The following ZNF236 variants were observed in gnomAD, a reference collection of about 807,000 sequenced individuals.
ZNF236 encodes zinc finger protein 236, also known as regulated by glucose.
A neutral mutation model predicts 191.2 loss-of-function variants in ZNF236; 50 were observed. The ratio of observed to expected loss-of-function variants is 0.26; its 90% confidence interval spans 0.21 to 0.33. ZNF236 has a LOEUF of 0.33. ZNF236 is among the 10% of genes least tolerant of loss of function. The pLI is 1.00. For synonymous variants in ZNF236, 907 were observed against 928.8 expected (o/e 0.98, Z 0.43); for missense variants, 1,754 against 2,374.5 (o/e 0.74, Z 5.43).
At chr18:76,966,003 G>T (rs188786427) in intron 30 of ZNF236, among the ~76,000 whole-genome samples, 43 of 152,304 alleles carry the variant, frequency 2.8e-4, no homozygotes, top group African/African-American at 1.0e-3. Flanking sequence ...AGGAGCATTG[G>T]GTGGGGGCTG....
intron 2 of ZNF236, among the ~76,000 whole-genome samples, 196 bp from the exon 3 acceptor site, chr18:76,851,579 T>C (rs1270859999): frequency 2.0e-5 from 3 of 152,264 alleles, no homozygotes; most frequent in Non-Finnish European, 2.9e-5. Context: ...TTTTCATCCT[T>C]ATAATCCTTT....
intron 5 of ZNF236, among the ~76,000 whole-genome samples, chr18:76,874,642 A>C (rs1338088729): frequency 6.6e-6 from 1 of 152,114 alleles, no homozygotes; most frequent in Non-Finnish European, 1.5e-5. Flanking sequence ...AGGAGATTTT[A>C]ATGTTAAATG....
At chr18:76,825,842 C>T (rs1784565486) in intron 1 of ZNF236, among the ~76,000 whole-genome samples, 2 of 151,844 alleles carry the variant, frequency 1.3e-5, no homozygotes, top group Admixed American at 6.6e-5. Context: ...AACTCCTGGG[C>T]TCAAGTGATT....
At chr18:76,938,195 G>T (rs928605294) in intron 26 of ZNF236, among the ~76,000 whole-genome samples, 1 of 151,904 alleles carries the variant, frequency 6.6e-6, no homozygotes, top group African/African-American at 2.4e-5. Context: ...TTTGAGACCA[G>T]TCAGGGCAAC....
intron 18 of ZNF236, among the ~76,000 whole-genome samples, 196 bp from the exon 19 acceptor site, chr18:76,915,451 A>G (rs1311986640): frequency 6.6e-6 from 1 of 152,202 alleles, no homozygotes; most frequent in East Asian, 1.9e-4. Context: ...CCATTTCTAA[A>G]AATTGGAAAC....
At chr18:76,916,554 T>C (rs1967368709) in intron 19 of ZNF236, among the ~76,000 whole-genome samples, 1 of 152,238 alleles carries the variant, frequency 6.6e-6, no homozygotes, top group Admixed American at 6.5e-5. Flanking sequence ...ATCCTGAGTA[T>C]TATTTTTGTG....
intron 5 of ZNF236, among the ~76,000 whole-genome samples, chr18:76,872,076 A>G (rs765126661): frequency 6.6e-6 from 1 of 152,246 alleles, no homozygotes; most frequent in African/African-American, 2.4e-5. Flanking sequence ...TGCTTGATAC[A>G]TGGTAGGCTG....
intron 1 of ZNF236, among the ~76,000 whole-genome samples, chr18:76,838,587 C>G (rs1975399559): frequency 6.6e-6 from 1 of 152,172 alleles, no homozygotes; most frequent in African/African-American, 2.4e-5. Flanking sequence ...TCTGTCGTGA[C>G]TACTCAGATC....
At chr18:76,830,443 C>T (rs955059853) in intron 1 of ZNF236, among the ~76,000 whole-genome samples, 2 of 152,094 alleles carry the variant, frequency 1.3e-5, no homozygotes, top group African/African-American at 4.8e-5. Flanking sequence ...ATACAGCCAG[C>T]CAGTCGCCCA....
intron 27 of ZNF236, among the ~76,000 whole-genome samples, chr18:76,948,334 A>C (rs574295401): frequency 6.6e-6 from 1 of 152,160 alleles, no homozygotes; most frequent in South Asian, 2.1e-4. Flanking sequence ...GGGCTTTTTC[A>C]CAAAGAGATG....
chr18:76,917,188 C>G (rs1279741177), intron 19 of ZNF236, among the ~76,000 whole-genome samples: 12 of 152,200 alleles, frequency 7.9e-5, no homozygotes, highest in Non-Finnish European at 1.5e-4. Context: ...CTTAGTAAAG[C>G]CTTCATTTCC....
intron 12 of ZNF236, 30 bp from the exon 13 acceptor site, chr18:76,905,123 CAT>C: frequency 6.3e-7 from 1 of 1,577,444 alleles, no homozygotes; most frequent in South Asian, 1.2e-5. Context: ...GTATAAGAAA[CAT>C]ATTCATTAAA....
At chr18:76,924,117 T>G (rs1323462642) in intron 21 of ZNF236, among the ~76,000 whole-genome samples, 6 of 152,218 alleles carry the variant, frequency 3.9e-5, no homozygotes, top group Non-Finnish European at 8.8e-5. Context: ...TGAGCTTGTT[T>G]ATATGACTGT....
rs1968910319 is a variant in ZNF236, at chr18:76,971,700, C to T, written c.*3361C>T. 6.6e-6 allele frequency among the ~76,000 whole-genome samples: 1 copy of T among 152,112 alleles called. No homozygotes were observed. Among genetic ancestry groups the T allele is most frequent in the South Asian group, 2.1e-4 (1 of 4,832 alleles). ...TCATTTTAGAAGAATATTTGTAACT[C>T]ATTAAGATACACATTTTAACATGAA... On this transcript the variant is annotated 3_prime_UTR_variant, in exon 31 of 31. Transcript: ENST00000320610.
At chr18:76,862,955 T>G (rs1190281684) in intron 3 of ZNF236, among the ~76,000 whole-genome samples, 1 of 151,956 alleles carries the variant, frequency 6.6e-6, no homozygotes, top group Non-Finnish European at 1.5e-5. Flanking sequence ...AAAGCAGCTG[T>G]CAAGAAAATG....
At chr18:76,879,994 G>C (rs1976834028) in intron 7 of ZNF236, 119 bp from the exon 8 acceptor site, 2 of 893,128 alleles carry the variant, frequency 2.2e-6, no homozygotes, top group East Asian at 2.7e-5. Flanking sequence ...TTTATGTTTA[G>C]GATACTCTTA....
chr18:76,903,667 A>T (rs1977664518), intron 11 of ZNF236, among the ~76,000 whole-genome samples: 2 of 151,906 alleles, frequency 1.3e-5, no homozygotes, highest in African/African-American at 2.4e-5. Flanking sequence ...GTTCCAAATG[A>T]CTCTTAAGGA....
At chr18:76,961,904 T>C (rs1365979495) in intron 30 of ZNF236, among the ~76,000 whole-genome samples, 4 of 151,826 alleles carry the variant, frequency 2.6e-5, no homozygotes, top group African/African-American at 9.7e-5. Flanking sequence ...AGCTCACTTT[T>C]TGATGGGATT....
chr18:76,849,774 A>AG (rs1272860192), intron 2 of ZNF236, 106 bp downstream of exon 2: 1 of 1,052,964 alleles, frequency 9.5e-7, no homozygotes, highest in Non-Finnish European at 1.3e-6. Flanking sequence ...CCTAAATAGT[A>AG]GAACATTTTA....
Sources: gnomAD v4.1 joint callset for allele counts (sites outside exome capture counted in the v4.1 genomes callset) on GRCh38, gnomAD v4.1.1 for gene constraint, MANE v1.5 for transcripts, NCBI Gene and HGNC (gene_info 2026-07-23, HGNC 2026-07-21) for gene names.